ATAD3C: variants seen among roughly 807,000 people sequenced by gnomAD.
ATAD3C encodes ATPase family AAA domain containing 3C.
In ATAD3C, 38 loss-of-function variants were observed where a neutral mutation model predicts 46.3. That is an observed-to-expected ratio of 0.82 (90% CI 0.63 to 1.08). The LOEUF (loss-of-function observed/expected upper bound fraction) is 1.08, where lower values mean the gene tolerates loss of function less well. ATAD3C is among the 50% of genes least tolerant of loss of function. The pLI is 0.00. For missense variants in ATAD3C, 563 were observed against 572.7 expected (o/e 0.98, Z 0.17); for synonymous variants, 220 against 236.4 (o/e 0.93, Z 0.63).
Position 1,450,005 on chromosome 1 carries a change from G to C in ATAD3C, c.-679G>C, listed in dbSNP as rs1229526418. On this transcript the variant is annotated 5_prime_UTR_variant, in exon 1 of 12. Transcript: ENST00000378785. ...TCTTGCCCGCACGTTCTTGATAGCA[G>C]ATCACTGACAACAGCCATTGGAAGC... The C allele has an allele frequency of 3.3e-5, 5 of 152,004 alleles. 1 individual carries two copies. The highest frequency in any genetic ancestry group is 5.9e-5 in the Non-Finnish European group (4 of 67,980). The allele number at this position is 152,004 out of a possible 1,614,324, so 9.4% of individuals were successfully genotyped here.
intron 7 of ATAD3C, among the ~76,000 whole-genome samples, chr1:1,456,891 T>C (rs1695871): frequency 0.36 from 53,917 of 151,332 alleles, 11,319 homozygotes; most frequent in African/African-American, 0.54. Context: ...CTGTCCCTGG[T>C]GTGGACTCTA....
In ATAD3C at chr1:1,455,348, G is replaced by A. The variant is rs2100477090; in HGVS notation, c.379-112G>A. Reference sequence around the variant, plus strand: ...GGGGTTCCAGCTCCAGGCCGGTCCTGGCTGTGATTCGGGGCAGCTCCGTTT... The same window carrying A: ...GGGGTTCCAGCTCCAGGCCGGTCCTAGCTGTGATTCGGGGCAGCTCCGTTT... On this transcript the variant is annotated intron_variant, in intron 4 of 11. Coordinates refer to ENST00000378785, the MANE Select transcript of ATAD3C (RefSeq NM_001039211.3). 2.7e-6 allele frequency: 4 copies of A among 1,470,478 alleles called. 1 individual carries two copies. The South Asian group carries it at 3.8e-5, about 14-fold the overall frequency. The allele number at this position is 1,470,478 out of a possible 1,614,324, so 91.1% of individuals were successfully genotyped here. A position where few individuals can be genotyped will look rare whatever the true frequency, so the allele number is the denominator to read the frequency against.
In ATAD3C at chr1:1,450,539, A is replaced by C. The variant is rs540687033; in HGVS notation, c.-145A>C. The C allele has an allele frequency of 6.4e-5, 66 of 1,030,382 alleles. No individual in the cohort carries two copies. In the Middle Eastern group the frequency reaches 9.6e-4, roughly 15 times the overall value. 63.8% of individuals were successfully genotyped at this position (1,030,382 alleles called of 1,614,324 possible). A position where few individuals can be genotyped will look rare whatever the true frequency, so the allele number is the denominator to read the frequency against. ...CATCGTCACGCCAGGTCTGACTAGG[A>C]AGGAGGATGGGGAGGCAGGGCTGGG... On this transcript the variant is annotated 5_prime_UTR_variant, in exon 1 of 12. Transcript: ENST00000378785.
At chr1:1,453,477 C>T (rs1230229873) in intron 3 of ATAD3C, among the ~76,000 whole-genome samples, 1 of 151,918 alleles carries the variant, frequency 6.6e-6, no homozygotes, top group South Asian at 2.1e-4. Context: ...GCTATGATTA[C>T]AGGTGTGTAC....
chr1:1,459,089 G>A lies in ATAD3C; in HGVS notation c.742-72G>A, dbSNP rs1639014945. On this transcript the variant is annotated intron_variant, in intron 8 of 11. Transcript: ENST00000378785. The surrounding 1 kb of genome is among the most constrained non-coding windows in gnomAD (Gnocchi z 4.9). ...CCTGCTCCCTGCAGGAGGGAGGCCT[G>A]TGGGACTTTCTGCTGTGGCTGTTTA... is the stretch of plus-strand genomic sequence containing the variant. The A allele has an allele frequency of 6.4e-7, 1 of 1,563,642 alleles. No homozygotes were observed. Among genetic ancestry groups the A allele is most frequent in the Non-Finnish European group, 8.7e-7 (1 of 1,155,122 alleles).
chr1:1,450,548 G>A lies in ATAD3C; in HGVS notation c.-136G>A. 1.8e-6 allele frequency: 2 copies of A among 1,102,850 alleles called. No homozygotes were observed. Among genetic ancestry groups the A allele is most frequent in the Admixed American group, 2.1e-5 (1 of 48,004 alleles). 68.3% of individuals were successfully genotyped at this position (1,102,850 alleles called of 1,614,324 possible). On this transcript the variant is annotated 5_prime_UTR_variant, in exon 1 of 12. It removes an upstream start codon present in the reference 5' UTR. Transcript: ENST00000378785. Reference sequence around the variant, plus strand: ...GCCAGGTCTGACTAGGAAGGAGGATGGGGAGGCAGGGCTGGGGGCTTTGAG... The same window carrying A: ...GCCAGGTCTGACTAGGAAGGAGGATAGGGAGGCAGGGCTGGGGGCTTTGAG...
At chr1:1,465,468 G>A (rs1570159621) in intron 11 of ATAD3C, among the ~76,000 whole-genome samples, 2 of 151,060 alleles carry the variant, frequency 1.3e-5, no homozygotes, top group East Asian at 2.0e-4. Context: ...GCAGGTGCCT[G>A]TAGTCCCAGC....
At chr1:1,461,947 C>A (rs988593893) in intron 10 of ATAD3C, among the ~76,000 whole-genome samples, 1 of 152,068 alleles carries the variant, frequency 6.6e-6, no homozygotes, top group Admixed American at 6.6e-5. Context: ...GTGGGCAGAG[C>A]CCTCCAGGTG....
chr1:1,467,943 C>A (rs566354882), intron 11 of ATAD3C, among the ~76,000 whole-genome samples: 1 of 152,080 alleles, frequency 6.6e-6, no homozygotes, highest in South Asian at 2.1e-4. Flanking sequence ...CTTGGTGCCA[C>A]CAGCCACGTG....
rs892876080 is a variant in ATAD3C, at chr1:1,468,352, C to T, written c.1090-32C>T. ...CATTTGGGGTGGGGGGTTCCCATGG[C>T]GGCCTCCCTCAGCTCCCTCTCTCCC... On this transcript the variant is annotated intron_variant, in intron 11 of 11. Transcript: ENST00000378785. 4.2e-5 allele frequency: 66 copies of T among 1,575,436 alleles called. 1 individual carries two copies. Among genetic ancestry groups the T allele is most frequent in the Non-Finnish European group, 5.2e-5 (60 of 1,159,040 alleles).
intron 4 of ATAD3C, among the ~76,000 whole-genome samples, chr1:1,454,777 G>T (rs1410164047): frequency 6.6e-6 from 1 of 151,830 alleles, no homozygotes; most frequent in Non-Finnish European, 1.5e-5. Context: ...GGATTTGGGT[G>T]TGCGGCCGTC....
At position 1,455,442 on chromosome 1, in the gene ATAD3C, C is replaced by T; in HGVS notation, c.379-18C>T. On this transcript the variant is annotated intron_variant, in intron 4 of 11. Coordinates refer to ENST00000378785, the MANE Select transcript of ATAD3C (RefSeq NM_001039211.3). The stretch of plus-strand genomic sequence containing the variant: ...GGCTGTGGCAGGTGACCCAATGGTG[C>T]TTCCCCTTCCCCTCCAGCAGGTCAG... 6.2e-7 allele frequency: 1 copy of T among 1,610,588 alleles called. No individual in the cohort carries two copies.
intron 11 of ATAD3C, among the ~76,000 whole-genome samples, chr1:1,466,986 G>A (rs1312179657): frequency 6.6e-6 from 1 of 152,020 alleles, no homozygotes; most frequent in African/African-American, 2.4e-5. Context: ...TCCAGGTCTT[G>A]TCTTTCAACT....
At chr1:1,468,034 G>A (rs928625156) in intron 11 of ATAD3C, among the ~76,000 whole-genome samples, 15 of 151,796 alleles carry the variant, frequency 9.9e-5, no homozygotes, top group African/African-American at 3.6e-4. Flanking sequence ...ACTATGACCC[G>A]GGGGCACTGC....
rs550292897 is a variant in ATAD3C at position 1,454,648 on chromosome 1, G to A, written c.378+148G>A. On this transcript the variant is annotated intron_variant, in intron 4 of 11. Coordinates refer to ENST00000378785, the MANE Select transcript of ATAD3C (RefSeq NM_001039211.3). ...CGCTGCTTCACGGGTGGGTTTTCCT[G>A]TCTGGCGCTGTACCTTAGGGGTCTG... The A allele has an allele frequency of 5.8e-5, 76 of 1,301,384 alleles. 2 individuals are homozygous for A. In the South Asian group the frequency reaches 8.6e-4, roughly 15 times the overall value. The allele number at this position is 1,301,384 out of a possible 1,614,324, so 80.6% of individuals were successfully genotyped here. A position where few individuals can be genotyped will look rare whatever the true frequency, so the allele number is the denominator to read the frequency against.
Position 1,455,802 on chromosome 1 carries a change from A to G in ATAD3C, c.450A>G (p.Glu150=). Reference sequence around the variant, plus strand: ...GTCTTCCTCGGCAGCCCAGCCTGGAAGCACGGGTGCGCGACATCGCCATAA... The same window carrying G: ...GTCTTCCTCGGCAGCCCAGCCTGGAGGCACGGGTGCGCGACATCGCCATAA... ...LEGVVLSPSL[E]ARVRDIAIMT... is the part of the protein sequence containing the mutation. Residue 150 remains glutamate, a synonymous_variant, in exon 6 of 12, where the codon GAA becomes GAG. Coordinates refer to ENST00000378785, the MANE Select transcript of ATAD3C (RefSeq NM_001039211.3). The G allele has an allele frequency of 6.2e-7, 1 of 1,613,406 alleles. No individual in the cohort carries two copies. The highest frequency in any genetic ancestry group is 8.5e-7 in the Non-Finnish European group (1 of 1,179,672).
At chr1:1,453,258 G>C (rs771813476) in intron 3 of ATAD3C, among the ~76,000 whole-genome samples, 1 of 152,056 alleles carries the variant, frequency 6.6e-6, no homozygotes, top group Non-Finnish European at 1.5e-5. Flanking sequence ...GCTGGAGTGC[G>C]GTGGCGCCAC....
At chr1:1,458,338 G>A (rs997933963) in intron 8 of ATAD3C, among the ~76,000 whole-genome samples, 16 of 139,326 alleles carry the variant, frequency 1.1e-4, no homozygotes, top group Non-Finnish European at 1.7e-4. Context: ...GCAATGGCGC[G>A]ATCTTGGCTC....
intron 11 of ATAD3C, among the ~76,000 whole-genome samples, chr1:1,465,522 C>T (rs1270169666): frequency 3.7e-5 from 5 of 134,574 alleles, no homozygotes; most frequent in African/African-American, 5.6e-5. Flanking sequence ...ATCCTGGAGG[C>T]GGAGCTTGCA....
Sources: gnomAD v4.1 joint callset for allele counts (sites outside exome capture counted in the v4.1 genomes callset) on GRCh38, gnomAD v4.1.1 for gene constraint, Gnocchi (gnomAD v3.1) non-coding constraint, MANE v1.5 for transcripts, NCBI Gene and HGNC (gene_info 2026-07-23, HGNC 2026-07-21) for gene names.